CLUAP1: variants seen among roughly 807,000 people sequenced by gnomAD.
CLUAP1 encodes intraflagellar transport 38, also known as clusterin-associated protein 1.
Under a neutral mutation model 55.0 loss-of-function variants are expected in CLUAP1, and 50 were observed. The observed-to-expected ratio is 0.91, with a 90% CI of 0.72 to 1.15. The LOEUF is 1.15. CLUAP1 is among the 50% of genes most tolerant of loss of function. The pLI is 0.00. For missense variants in CLUAP1, 530 were observed against 507.6 expected (o/e 1.04, Z -0.42); for synonymous variants, 195 against 175.4 (o/e 1.11, Z -0.88).
intron 3 of CLUAP1, among the ~76,000 whole-genome samples, chr16:3,506,999 A>T (rs2037519345): frequency 6.6e-6 from 1 of 151,960 alleles, no homozygotes; most frequent in Non-Finnish European, 1.5e-5. Context: ...GATTGAGACT[A>T]TCCTGGCTAG....
chr16:3,525,909 T>A (rs1288411095), intron 8 of CLUAP1, among the ~76,000 whole-genome samples: 1 of 152,164 alleles, frequency 6.6e-6, no homozygotes, highest in Admixed American at 6.5e-5. Context: ...CATTTTATGA[T>A]CTGAGATATT....
In CLUAP1 at chr16:3,536,044, G is replaced by A. The variant is rs547094065; in HGVS notation, c.1093-78G>A. 1.3e-5 allele frequency: 20 copies of A among 1,539,366 alleles called. No individual in the cohort carries two copies. In the South Asian group the frequency reaches 2.3e-4, roughly 18 times the overall value. ...TCACACAGGGATGCTGCTATAGAAA[G>A]GGAGGCAGAGAGTCTTAGGACAAGA... On this transcript the variant is annotated intron_variant, in intron 11 of 11. Transcript: ENST00000576634.
intron 6 of CLUAP1, among the ~76,000 whole-genome samples, chr16:3,518,218 T>A (rs2037766299): frequency 6.6e-6 from 1 of 151,854 alleles, no homozygotes; most frequent in African/African-American, 2.4e-5. Flanking sequence ...ATTTAAAAAT[T>A]AAAAAAAAAT....
chr16:3,501,882 G>T (rs1281296978), intron 1 of CLUAP1, among the ~76,000 whole-genome samples: 1 of 152,138 alleles, frequency 6.6e-6, no homozygotes, highest in Non-Finnish European at 1.5e-5. Flanking sequence ...ATCTGCCAGG[G>T]CCCGCTCTGT....
At chr16:3,535,941 T>A in intron 11 of CLUAP1, 181 bp from the exon 12 acceptor site, 1 of 642,616 alleles carries the variant, frequency 1.6e-6, no homozygotes, top group East Asian at 2.8e-5. Context: ...GATGATAAAT[T>A]CCAGCTGGCA....
chr16:3,531,246 C>T (rs1177428843), intron 10 of CLUAP1, among the ~76,000 whole-genome samples: 4 of 152,220 alleles, frequency 2.6e-5, no homozygotes, highest in East Asian at 1.9e-4. Flanking sequence ...TTAAGCCAGG[C>T]GCGGTGGCTC....
intron 1 of CLUAP1, among the ~76,000 whole-genome samples, chr16:3,503,095 C>G (rs2037437941): frequency 6.6e-6 from 1 of 152,150 alleles, no homozygotes; most frequent in African/African-American, 2.4e-5. Flanking sequence ...CTGCCCCAGC[C>G]TCCCCAGTAA....
chr16:3,528,066 G>T (rs1338183866), intron 9 of CLUAP1, among the ~76,000 whole-genome samples: 1 of 152,048 alleles, frequency 6.6e-6, no homozygotes, highest in Non-Finnish European at 1.5e-5. Context: ...TCTCATCTCT[G>T]CACATGGGGA....
chr16:3,526,550 TAG>T, intron 9 of CLUAP1, 66 bp downstream of exon 9: 6 of 963,222 alleles, frequency 6.2e-6, no homozygotes, highest in African/African-American at 1.7e-5. Context: ...GAAATATATA[TAG>T]AGAGATATAT....
intron 11 of CLUAP1, 173 bp from the exon 12 acceptor site, chr16:3,535,949 G>A: frequency 1.5e-6 from 1 of 656,134 alleles, no homozygotes; most frequent in Non-Finnish European, 2.5e-6. Flanking sequence ...ATTCCAGCTG[G>A]CAGTACATAG....
chr16:3,529,529 ATATGTTATATAT>A, intron 9 of CLUAP1, among the ~76,000 whole-genome samples: 8 of 58,806 alleles, frequency 1.4e-4, no homozygotes, highest in African/African-American at 5.9e-4. Context: ...ATATATTATT[ATATGTTATATAT>A]TATTATATAT....
intron 4 of CLUAP1, among the ~76,000 whole-genome samples, chr16:3,508,810 T>C (rs2037560130): frequency 6.6e-6 from 1 of 151,966 alleles, no homozygotes; most frequent in Non-Finnish European, 1.5e-5. Context: ...TGGAGAATAA[T>C]AAGCTGGGAT....
At chr16:3,525,216 T>C (rs1214619611) in intron 8 of CLUAP1, among the ~76,000 whole-genome samples, 1 of 152,142 alleles carries the variant, frequency 6.6e-6, no homozygotes, top group Admixed American at 6.5e-5. Flanking sequence ...TTTTAAACAT[T>C]GGGTACCTGG....
intron 3 of CLUAP1, among the ~76,000 whole-genome samples, chr16:3,506,894 A>T: frequency 6.6e-6 from 1 of 151,932 alleles, no homozygotes; most frequent in East Asian, 1.9e-4. Context: ...TTAATTCATT[A>T]TTTGTTAAGA....
At chr16:3,497,738 C>T (rs761826456), upstream of CLUAP1, among the ~76,000 whole-genome samples, 1 of 152,236 alleles carries the variant, frequency 6.6e-6, no homozygotes, top group African/African-American at 2.4e-5. Context: ...ATCCTCCCAC[C>T]TTAGCCTCCC....
rs764039729 is a variant in CLUAP1 at position 3,532,796 on chromosome 16, C to A, written c.1047C>A (p.Gly349=). 52 of 1,613,928 alleles carry A rather than the reference C, an allele frequency of 3.2e-5. No individual in the cohort carries two copies. Among genetic ancestry groups the A allele is most frequent in the Non-Finnish European group, 4.2e-5 (50 of 1,179,990 alleles). ...AMEMLMQGRP[G]KRIVGTMQGG... Reference sequence around the variant, plus strand: ...TTTTGTTGTTCTCAGGAAGACCTGGCAAACGCATTGTGGGCACGATGCAAG... The same window carrying A: ...TTTTGTTGTTCTCAGGAAGACCTGGAAAACGCATTGTGGGCACGATGCAAG... The change falls in exon 11 of 12, where the codon GGC becomes GGA. Residue 349 remains glycine, a synonymous_variant. Transcript: ENST00000576634.
At chr16:3,512,557 A>G (rs2151049767) in intron 5 of CLUAP1, 79 bp downstream of exon 5, 2 of 1,126,928 alleles carry the variant, frequency 1.8e-6, no homozygotes, top group South Asian at 1.3e-5. Context: ...CTCCCTTTTC[A>G]GTTCTGATTT....
chr16:3,515,438 A>G (rs907737208), intron 5 of CLUAP1, 70 bp from the exon 6 acceptor site: 17 of 1,105,312 alleles, frequency 1.5e-5, no homozygotes, highest in African/African-American at 1.3e-4. Flanking sequence ...AGGCACATCT[A>G]GATCTAGGAA....
intron 5 of CLUAP1, among the ~76,000 whole-genome samples, chr16:3,512,807 A>G (rs765778174): frequency 5.9e-5 from 9 of 152,078 alleles, no homozygotes; most frequent in Non-Finnish European, 8.8e-5. Context: ...CAGCCTCCCA[A>G]GTAGCTGGGA....
Sources: gnomAD v4.1 joint callset for allele counts (sites outside exome capture counted in the v4.1 genomes callset) on GRCh38, gnomAD v4.1.1 for gene constraint, MANE v1.5 for transcripts, NCBI Gene and HGNC (gene_info 2026-07-23, HGNC 2026-07-21) for gene names.